PGK1: variants seen among roughly 807,000 people sequenced by gnomAD.
The protein encoded by PGK1 is phosphoglycerate kinase 1.
Under a neutral mutation model 26.9 loss-of-function variants are expected in PGK1, and 3 were observed. The observed-to-expected ratio is 0.11, with a 90% CI of 0.05 to 0.29. The LOEUF (loss-of-function observed/expected upper bound fraction) is 0.29, where lower values mean the gene tolerates loss of function less well. Among genes scored for constraint, PGK1 ranks in the 10% least tolerant of loss-of-function variants. The pLI is 1.00. For synonymous variants in PGK1, 125 were observed against 115.3 expected, an observed-to-expected ratio of 1.08 and a Z score of -0.54; for missense variants, 270 against 314.7, an observed-to-expected ratio of 0.86 and a Z score of 1.07.
In PGK1 at chrX:78,110,656, T is replaced by G. The variant is rs148603162; in HGVS notation, c.116+739T>G. 3.2e-4 allele frequency among the ~76,000 whole-genome samples: 35 copies of G among 110,389 alleles called. 1 individual carries two copies. In the East Asian group the frequency reaches 9.9e-3, roughly 31 times the overall value. On this transcript the variant is annotated intron_variant, in intron 2 of 10. Coordinates refer to ENST00000373316, the MANE Select transcript of PGK1 (RefSeq NM_000291.4). ...AAAATTTAAGGTTACTTGGCTTCTC[T>G]TGCAAAATGAAGAACTATGTAAGAG... is the stretch of plus-strand genomic sequence containing the variant.
At chrX:78,124,524 C>A (rs1226336934) in intron 8 of PGK1, among the ~76,000 whole-genome samples, 1 of 111,121 alleles carries the variant, frequency 9.0e-6, no homozygotes, top group Non-Finnish European at 1.9e-5. Context: ...ATGCCAGTAG[C>A]ACCCTCCCAA....
Position 78,109,896 on chromosome X carries a change from A to C in PGK1, c.95A>C (p.Asn32Thr), listed in dbSNP as rs781856100. 1.7e-6 allele frequency: 2 copies of C among 1,196,741 alleles called. No individual in the cohort carries two copies. The highest frequency in any genetic ancestry group is 2.3e-6 in the Non-Finnish European group (2 of 881,822). Residue 32 changes from asparagine (N) to threonine (T), a missense_variant, in exon 2 of 11, where the codon AAC becomes ACC. By Grantham distance (65) the Asn-to-Thr change is moderately conservative (BLOSUM62 0). This residue lies in a region of PGK1 where 150 missense variants were observed against 154.6 expected (regional missense o/e 0.97). Transcript: ENST00000373316. ...GACTTCAATGTTCCTATGAAGAACA[A>C]CCAGATAACAAACAACCAGAGGTAA... ...RVDFNVPMKN[N>T]QITNNQRIKA...
At chrX:78,123,822 T>C (rs1356150903) in intron 8 of PGK1, among the ~76,000 whole-genome samples, 1 of 111,120 alleles carries the variant, frequency 9.0e-6, no homozygotes, top group African/African-American at 3.3e-5. Context: ...TTGGTCAGGA[T>C]GATCTCAATC....
intron 1 of PGK1, among the ~76,000 whole-genome samples, 194 bp downstream of exon 1, chrX:78,104,599 C>T (rs1203204071): frequency 9.0e-6 from 1 of 111,233 alleles, no homozygotes; most frequent in Admixed American, 9.5e-5. Flanking sequence ...AGAAAGCACC[C>T]GAAGTCACCC....
At chrX:78,125,185 C>A in intron 9 of PGK1, 134 bp downstream of exon 9, 2 of 729,407 alleles carry the variant, frequency 2.7e-6, no homozygotes, top group South Asian at 2.2e-5. Context: ...AGGTAATTTA[C>A]AGAGGAGCCT....
In PGK1 at chrX:78,124,810, G is replaced by C. The variant is rs17303413; in HGVS notation, c.937-64G>C. The C allele has an allele frequency of 0.16, 153,962 of 961,487 alleles. 9,895 individuals are homozygous for C. The highest frequency in any genetic ancestry group is 0.27 in the Admixed American group (12,265 of 45,118). 79.2% of individuals were successfully genotyped at this position (961,487 alleles called of 1,213,427 possible). On this transcript the variant is annotated intron_variant, in intron 8 of 10. Transcript: ENST00000373316. ...TGTGCAGCCCTGAGTTCTGGTCTTG[G>C]TGGAGGTGGTGTTTAAGTAGCTTTT... is the stretch of plus-strand genomic sequence containing the variant.
At chrX:78,115,092 T>C (rs1457194815) in intron 4 of PGK1, among the ~76,000 whole-genome samples, 1 of 111,564 alleles carries the variant, frequency 9.0e-6, no homozygotes, top group African/African-American at 3.3e-5. Context: ...TCTTGCCTTA[T>C]CCTGCTTTTG....
At position 78,117,426 on chromosome X, in the gene PGK1, C is replaced by T. The variant is rs2078332031; in HGVS notation, c.521+11C>T. The T allele has an allele frequency of 9.9e-7, 1 of 1,010,804 alleles. No homozygotes were observed. Among genetic ancestry groups the T allele is most frequent in the Non-Finnish European group, 1.4e-6 (1 of 711,908 alleles). The allele number at this position is 1,010,804 out of a possible 1,213,427, so 83.3% of individuals were successfully genotyped here. On this transcript the variant is annotated intron_variant, in intron 5 of 10. Coordinates refer to ENST00000373316, the MANE Select transcript of PGK1 (RefSeq NM_000291.4). ...TCACAGAGCCCACAGGTACCAAGAACCTTGTAGACTACCACACTGAGAACA... is the reference window on the plus strand; with the variant it reads ...TCACAGAGCCCACAGGTACCAAGAATCTTGTAGACTACCACACTGAGAACA...
chrX:78,111,952 T>C (rs926947568), intron 2 of PGK1, among the ~76,000 whole-genome samples: 2 of 112,523 alleles, frequency 1.8e-5, no homozygotes, highest in Non-Finnish European at 3.8e-5. Flanking sequence ...ACAAACTTTG[T>C]ACCTGATACA....
rs1156241961 is a variant in PGK1 at position 78,129,259 on chromosome X, ATCTG to A, written c.*3431_*3434del. The A allele has an allele frequency of 9.1e-6, 1 of 109,961 alleles. No individual in the cohort carries two copies. Among genetic ancestry groups the A allele is most frequent in the East Asian group, 2.9e-4 (1 of 3,478 alleles). 9.1% of individuals were successfully genotyped at this position (109,961 alleles called of 1,213,427 possible). ...TATCTATCTATCTATCTATCTATCTATCTGTATATAGATATATTAAAATGTAAAT... is the reference window on the plus strand; with the variant it reads ...TATCTATCTATCTATCTATCTATCTATATATAGATATATTAAAATGTAAAT... On this transcript the variant is annotated 3_prime_UTR_variant, in exon 11 of 11. Coordinates refer to ENST00000373316, the MANE Select transcript of PGK1 (RefSeq NM_000291.4).
chrX:78,116,521 T>G (rs1239930444), intron 4 of PGK1, among the ~76,000 whole-genome samples: 2 of 112,034 alleles, frequency 1.8e-5, no homozygotes, highest in Non-Finnish European at 3.8e-5. Context: ...ATCTGCTTTG[T>G]GCTATGTACT....
intron 6 of PGK1, among the ~76,000 whole-genome samples, chrX:78,122,087 G>A (rs1305590401): frequency 9.0e-6 from 1 of 110,846 alleles, no homozygotes; most frequent in Non-Finnish European, 1.9e-5. Flanking sequence ...GTACGCCTGT[G>A]GTCGCAGCTA....
chrX:78,104,453 C>T, intron 1 of PGK1, 48 bp downstream of exon 1: 1 of 992,219 alleles, frequency 1.0e-6, no homozygotes. Context: ...TGTCGCAAAC[C>T]TCTTTGGCCG....
At chrX:78,105,575 G>T (rs1279961770) in intron 1 of PGK1, among the ~76,000 whole-genome samples, 3 of 111,497 alleles carry the variant, frequency 2.7e-5, no homozygotes, top group Non-Finnish European at 5.6e-5. Context: ...GTCAGTAGGA[G>T]ATCTCCCTTT....
intron 6 of PGK1, among the ~76,000 whole-genome samples, chrX:78,121,726 C>A (rs2078356092): frequency 8.9e-6 from 1 of 112,216 alleles, no homozygotes; most frequent in Non-Finnish European, 1.9e-5. Context: ...TAGGGAGATG[C>A]AAGATACATG....
rs142525614 is a variant in PGK1, at chrX:78,123,347, G to T, written c.909G>T (p.Val303=). The T allele has an allele frequency of 7.4e-6, 9 of 1,210,201 alleles. No individual in the cohort carries two copies. The highest frequency in any genetic ancestry group is 1.0e-5 in the Non-Finnish European group (9 of 894,057). ...DENAKTGQAT[V]ASGIPAGWMG... ...ATGCCAAGACTGGCCAAGCCACTGT[G>T]GCTTCTGGCATACCTGCTGGCTGGA... The change falls in exon 8 of 11, where the codon GTG becomes GTT. Residue 303 remains valine, a synonymous_variant. Transcript: ENST00000373316.
intron 5 of PGK1, 109 bp from the exon 6 acceptor site, chrX:78,117,942 T>A: frequency 1.3e-6 from 1 of 789,554 alleles, no homozygotes. Context: ...AAAACCATGA[T>A]TTCTTGCAGT....
At chrX:78,123,523 A>C in intron 8 of PGK1, 149 bp downstream of exon 8, 1 of 512,413 alleles carries the variant, frequency 2.0e-6, no homozygotes, top group Non-Finnish European at 3.5e-6. Context: ...TGAGTCCCTC[A>C]TGGAAGAATC....
At chrX:78,109,308 T>C (rs966297285) in intron 1 of PGK1, among the ~76,000 whole-genome samples, 4 of 111,166 alleles carry the variant, frequency 3.6e-5, no homozygotes, top group African/African-American at 9.8e-5. Flanking sequence ...TTTCTCTTAG[T>C]GTGTTTTATT....
Sources: gnomAD v4.1 joint callset for allele counts (sites outside exome capture counted in the v4.1 genomes callset) on GRCh38, gnomAD v4.1.1 for gene constraint, gnomAD v4.1.1 regional missense constraint, MANE v1.5 for transcripts, NCBI Gene and HGNC (gene_info 2026-07-23, HGNC 2026-07-21) for gene names.